The following TECTB variants were observed in gnomAD, a reference collection of about 807,000 sequenced individuals.
TECTB encodes the protein beta-tectorin.
In TECTB, 45 loss-of-function variants were observed where a neutral mutation model predicts 43.3. That is an observed-to-expected ratio of 1.04 (90% CI 0.82 to 1.33). The LOEUF is 1.33. Among genes scored for constraint, TECTB ranks in the 40% most tolerant of loss-of-function variants. TECTB has a pLI of 0.00. For synonymous variants in TECTB, 169 were observed against 156.7 expected (o/e 1.08, Z -0.59); for missense variants, 399 against 404.7 (o/e 0.99, Z 0.12).
intron 10 of TECTB, chr10:112,302,686 T>C (rs1487263934): frequency 9.6e-6 from 2 of 207,280 alleles, no homozygotes; most frequent in Non-Finnish European, 1.9e-5. Flanking sequence ...TTATGATGAC[T>C]GTACTGGGAA....
At chr10:112,298,014 T>C in intron 7 of TECTB, 55 bp from the exon 8 acceptor site, 1 of 1,610,756 alleles carries the variant, frequency 6.2e-7, no homozygotes, top group Non-Finnish European at 8.5e-7. Flanking sequence ...GCTCAGCAGC[T>C]CTTGCTGGAG....
chr10:112,292,085 G>A (rs1451452007), intron 5 of TECTB, among the ~76,000 whole-genome samples: 3 of 150,748 alleles, frequency 2.0e-5, no homozygotes, highest in South Asian at 2.1e-4. Context: ...ACAATGAGCC[G>A]AGATCGCGCC....
intron 7 of TECTB, among the ~76,000 whole-genome samples, chr10:112,296,321 G>A (rs1489839961): frequency 2.0e-5 from 3 of 152,160 alleles, no homozygotes; most frequent in Non-Finnish European, 2.9e-5. Flanking sequence ...GGGCATAAAA[G>A]CCTCCTGTGG....
At chr10:112,302,887 G>A in intron 10 of TECTB, 1 of 208,088 alleles carries the variant, frequency 4.8e-6, no homozygotes, top group Non-Finnish European at 9.7e-6. Flanking sequence ...TACATGAGGA[G>A]ATGGGGTAAG....
At chr10:112,293,131 GTC>G (rs1848513880) in intron 5 of TECTB, among the ~76,000 whole-genome samples, 1 of 152,180 alleles carries the variant, frequency 6.6e-6, no homozygotes, top group Non-Finnish European at 1.5e-5. Context: ...CTTACTGTTT[GTC>G]TCCCCTGCTA....
rs765655484 is a variant in TECTB, at chr10:112,284,745, T to C, written c.267+20T>C. The C allele has an allele frequency of 2.7e-6, 4 of 1,498,570 alleles. No homozygotes were observed. The highest frequency in any genetic ancestry group is 2.2e-5 in the Admixed American group (1 of 46,200). 92.8% of individuals were successfully genotyped at this position (1,498,570 alleles called of 1,614,324 possible). ...TCTGAGGTAAGACCAGGCCACACAG[T>C]GCAGAGTTGTTTAAGGTAAGGCAAC... On this transcript the variant is annotated intron_variant, in intron 3 of 10. Transcript: ENST00000646139.
At position 112,303,500 on chromosome 10, in the gene TECTB, A is replaced by C; in HGVS notation, c.*188A>C. 1 of 674,134 alleles carries C rather than the reference A, an allele frequency of 1.5e-6. No homozygotes were observed. The highest frequency in any genetic ancestry group is 2.5e-6 in the Non-Finnish European group (1 of 397,690). 41.8% of individuals were successfully genotyped at this position (674,134 alleles called of 1,614,324 possible). Reference sequence around the variant, plus strand: ...TGATGCCTTTTTCTTTCTAAGAAAAACTTAGGCTACTTCCCGTGGCCCTTA... The same window carrying C: ...TGATGCCTTTTTCTTTCTAAGAAAACCTTAGGCTACTTCCCGTGGCCCTTA... On this transcript the variant is annotated 3_prime_UTR_variant, in exon 11 of 11. Transcript: ENST00000646139.
intron 7 of TECTB, among the ~76,000 whole-genome samples, chr10:112,295,027 C>T (rs1848533472): frequency 6.6e-6 from 1 of 152,146 alleles, no homozygotes; most frequent in Non-Finnish European, 1.5e-5. Context: ...ACATGTTAAG[C>T]TTCAAATGAT....
intron 9 of TECTB, among the ~76,000 whole-genome samples, chr10:112,301,048 G>T (rs10787437): frequency 1.3e-5 from 2 of 152,112 alleles, no homozygotes; most frequent in Non-Finnish European, 2.9e-5. Context: ...TTGTGGCCTG[G>T]GAATTAAGAA....
At position 112,287,979 on chromosome 10, in the gene TECTB, C is replaced by A. The variant is rs577974526; in HGVS notation, c.483+1588C>A. Among the ~76,000 whole-genome samples, 494 of 152,200 alleles carry A rather than the reference C, an allele frequency of 3.2e-3. 3 individuals carry two copies. The highest frequency in any genetic ancestry group is 0.012 in the African/African-American group (482 of 41,518). On this transcript the variant is annotated intron_variant, in intron 5 of 10. Coordinates refer to ENST00000646139, the MANE Select transcript of TECTB (RefSeq NM_058222.3). ...GAAAGGGAATCCACGTAGCCCTTGACCTATAATCGGGGGCTAAATACAGCA... is the reference window on the plus strand; with the variant it reads ...GAAAGGGAATCCACGTAGCCCTTGAACTATAATCGGGGGCTAAATACAGCA...
At chr10:112,289,955 T>C (rs11195876) in intron 5 of TECTB, among the ~76,000 whole-genome samples, 78,021 of 151,986 alleles carry the variant, frequency 0.51, 23,465 homozygotes, top group African/African-American at 0.82. Flanking sequence ...CTTGTGACAC[T>C]GGCTAGTTGT....
At chr10:112,292,794 C>T (rs1848510095) in intron 5 of TECTB, among the ~76,000 whole-genome samples, 1 of 152,068 alleles carries the variant, frequency 6.6e-6, no homozygotes, top group Non-Finnish European at 1.5e-5. Context: ...CTCACCCCCA[C>T]CCCGCTCCCC....
intron 9 of TECTB, among the ~76,000 whole-genome samples, chr10:112,301,691 C>A (rs1262823914): frequency 6.6e-6 from 1 of 152,088 alleles, no homozygotes; most frequent in East Asian, 1.9e-4. Flanking sequence ...CAATGGAGCA[C>A]CTGATGGTTT....
chr10:112,294,853 T>C (rs1294166444), intron 7 of TECTB, among the ~76,000 whole-genome samples: 1 of 151,736 alleles, frequency 6.6e-6, no homozygotes, highest in Non-Finnish European at 1.5e-5. Context: ...AGATAGGAGG[T>C]GGAGGAAAGG....
At chr10:112,285,836 C>T (rs1564706636) in intron 3 of TECTB, among the ~76,000 whole-genome samples, 1 of 152,196 alleles carries the variant, frequency 6.6e-6, no homozygotes, top group Non-Finnish European at 1.5e-5. Context: ...GATTTTTAAG[C>T]ATACGACATC....
At chr10:112,296,544 C>A (rs1016621824) in intron 7 of TECTB, among the ~76,000 whole-genome samples, 1 of 152,226 alleles carries the variant, frequency 6.6e-6, no homozygotes, top group African/African-American at 2.4e-5. Flanking sequence ...TGAGTTCATA[C>A]GAGGATCTCG....
intron 9 of TECTB, among the ~76,000 whole-genome samples, chr10:112,300,299 GAAAGAAAGAAAGAAAGAAAGAGAAAGAA>G (rs1848596698): frequency 2.1e-5 from 2 of 95,474 alleles, no homozygotes; most frequent in East Asian, 3.8e-4. Context: ...AAGAAAGAAA[GAAAGAAAGAAAGAAAGAAAGAGAAAGAA>G]AAAAGAAAAG....
chr10:112,287,446 C>A (rs1285406405), intron 5 of TECTB, among the ~76,000 whole-genome samples: 1 of 152,180 alleles, frequency 6.6e-6, no homozygotes, highest in Non-Finnish European at 1.5e-5. Context: ...AAGATGTGGG[C>A]AGAAATACAA....
At chr10:112,287,272 G>A (rs1013608474) in intron 5 of TECTB, among the ~76,000 whole-genome samples, 7 of 152,166 alleles carry the variant, frequency 4.6e-5, no homozygotes, top group African/African-American at 1.4e-4. Flanking sequence ...AGAAGTTAAA[G>A]GCACACTTTG....
Sources: allele counts gnomAD v4.1 joint callset (sites outside exome capture counted in the v4.1 genomes callset), GRCh38; gene constraint gnomAD v4.1.1; transcripts MANE v1.5; gene names NCBI Gene and HGNC (gene_info 2026-07-23, HGNC 2026-07-21).